The following FSHR variants were observed in gnomAD, a reference collection of about 807,000 sequenced individuals.
FSHR encodes the protein follicle stimulating hormone receptor, also known as follicle-stimulating hormone receptor.
A neutral mutation model predicts 52.1 loss-of-function variants in FSHR; 46 were observed. The ratio of observed to expected loss-of-function variants is 0.88; its 90% CI spans 0.70 to 1.13. The LOEUF is 1.13. FSHR is among the 50% of genes most tolerant of loss of function. FSHR has a pLI of 0.00. For synonymous variants in FSHR, 399 were observed against 309.6 expected, an observed-to-expected ratio of 1.29 and a Z score of -3.03; for missense variants, 964 against 834.6, an observed-to-expected ratio of 1.16 and a Z score of -1.91.
At chr2:48,986,009 G>A (rs1440596121) in intron 6 of FSHR, among the ~76,000 whole-genome samples, 13 of 152,154 alleles carry the variant, frequency 8.5e-5, no homozygotes, top group Admixed American at 6.5e-4. Context: ...CACCGCGCCC[G>A]GCCGCATGTA....
In FSHR at chr2:49,133,781, T is replaced by C. The variant is rs748291676; in HGVS notation, c.152+20485A>G. Among the ~76,000 whole-genome samples, 4 of 152,154 alleles carry C rather than the reference T, an allele frequency of 2.6e-5. 1 individual carries two copies. The highest frequency in any genetic ancestry group is 2.6e-4 in the Admixed American group (4 of 15,266). Reference sequence around the variant, plus strand: ...ATAATACCATACATCTACAACCATCTGATCTTTGACAAACCTGACAAAAAA... The same window carrying C: ...ATAATACCATACATCTACAACCATCCGATCTTTGACAAACCTGACAAAAAA... On this transcript the variant is annotated intron_variant, in intron 1 of 9. Transcript: ENST00000406846.
At chr2:49,150,223 G>C (rs1427214189) in intron 1 of FSHR, among the ~76,000 whole-genome samples, 2 of 151,936 alleles carry the variant, frequency 1.3e-5, no homozygotes, top group African/African-American at 4.8e-5. Flanking sequence ...GACAAATATG[G>C]ACAGCGTTAA....
intron 4 of FSHR, among the ~76,000 whole-genome samples, chr2:49,005,446 T>A (rs978741048): frequency 1.3e-5 from 2 of 152,124 alleles, no homozygotes; most frequent in African/African-American, 4.8e-5. Context: ...CATGGCAACA[T>A]CCTTAGATCC....
intron 5 of FSHR, 119 bp from the exon 6 acceptor site, chr2:48,989,173 G>T: frequency 1.4e-6 from 1 of 703,520 alleles, no homozygotes; most frequent in Non-Finnish European, 2.5e-6. Context: ...AATATAACTA[G>T]TTGTTGTTTA....
intron 1 of FSHR, among the ~76,000 whole-genome samples, chr2:49,085,384 TATC>T (rs1670339449): frequency 6.6e-6 from 1 of 152,196 alleles, no homozygotes; most frequent in South Asian, 2.1e-4. Context: ...CCACAGCCAA[TATC>T]ATACTGAATG....
intron 1 of FSHR, among the ~76,000 whole-genome samples, chr2:49,144,236 A>G (rs761172577): frequency 2.6e-5 from 4 of 152,138 alleles, no homozygotes; most frequent in African/African-American, 4.8e-5. Flanking sequence ...TGATGCAGCA[A>G]TTCCCCAACA....
intron 1 of FSHR, among the ~76,000 whole-genome samples, chr2:49,090,527 C>A (rs542336646): frequency 1.6e-3 from 243 of 152,178 alleles, no homozygotes; most frequent in Non-Finnish European, 2.4e-3. Context: ...GTTGAAGTAC[C>A]TTTGGGTTGT....
intron 2 of FSHR, among the ~76,000 whole-genome samples, chr2:49,046,506 A>AT (rs1668660400): frequency 6.6e-6 from 1 of 152,226 alleles, no homozygotes; most frequent in Non-Finnish European, 1.5e-5. Context: ...TGATAGTAAG[A>AT]TTCTTATGAT....
intron 1 of FSHR, among the ~76,000 whole-genome samples, chr2:49,098,807 T>G (rs980005730): frequency 6.8e-6 from 1 of 146,960 alleles, no homozygotes; most frequent in Admixed American, 6.9e-5. Context: ...ATTTATAATA[T>G]GTATACTTAT....
At chr2:49,149,559 T>C (rs1672987252) in intron 1 of FSHR, among the ~76,000 whole-genome samples, 1 of 152,056 alleles carries the variant, frequency 6.6e-6, no homozygotes, top group South Asian at 2.1e-4. Flanking sequence ...TGGCTCAGTT[T>C]GCAAACATCA....
chr2:49,017,856 G>A, intron 3 of FSHR, among the ~76,000 whole-genome samples: 1 of 152,236 alleles, frequency 6.6e-6, no homozygotes, highest in African/African-American at 2.4e-5. Flanking sequence ...GTGGGTTCTT[G>A]TCACCCTGAG....
chr2:48,993,881 C>A (rs1316389563), intron 4 of FSHR, among the ~76,000 whole-genome samples: 1 of 152,190 alleles, frequency 6.6e-6, no homozygotes, highest in East Asian at 1.9e-4. Flanking sequence ...CATGTCATTT[C>A]TTCAAAAAGG....
intron 1 of FSHR, among the ~76,000 whole-genome samples, chr2:49,127,781 CTT>C (rs1452742231): frequency 2.1e-5 from 1 of 47,826 alleles, no homozygotes; most frequent in Non-Finnish European, 3.8e-5. Flanking sequence ...TCTTCTTCTT[CTT>C]CTTCTTCTTC....
At chr2:49,117,194 G>A (rs1671633478) in intron 1 of FSHR, among the ~76,000 whole-genome samples, 3 of 152,136 alleles carry the variant, frequency 2.0e-5, no homozygotes, top group Admixed American at 1.3e-4. Flanking sequence ...GGACAACTAC[G>A]GAATATCTAG....
chr2:49,032,723 TAGA>T (rs1668142936), intron 2 of FSHR, among the ~76,000 whole-genome samples: 1 of 152,152 alleles, frequency 6.6e-6, no homozygotes. Context: ...GAGTGAAAGA[TAGA>T]AGGAGGAGCA....
chr2:48,964,076 T>G, intron 9 of FSHR, 110 bp from the exon 10 acceptor site: 1 of 1,160,806 alleles, frequency 8.6e-7, no homozygotes, highest in Non-Finnish European at 1.2e-6. Flanking sequence ...AGATTTTTTT[T>G]TTTTCTTCTC....
intron 1 of FSHR, among the ~76,000 whole-genome samples, chr2:49,080,627 T>C (rs891998859): frequency 1.3e-5 from 2 of 152,214 alleles, no homozygotes; most frequent in Admixed American, 6.5e-5. Flanking sequence ...ATGATATTTT[T>C]ATAAAGGTTA....
intron 2 of FSHR, among the ~76,000 whole-genome samples, chr2:49,055,527 A>C (rs1025974160): frequency 1.7e-5 from 2 of 119,082 alleles, no homozygotes; most frequent in African/African-American, 3.2e-5. Context: ...AGATCCAGGA[A>C]GCTCAAAAAA....
At chr2:48,974,129 T>TA (rs1471543628) in intron 8 of FSHR, among the ~76,000 whole-genome samples, 1 of 152,112 alleles carries the variant, frequency 6.6e-6, no homozygotes, top group Non-Finnish European at 1.5e-5. Flanking sequence ...AATCTAGACT[T>TA]AAAGTGAGCT....
Sources: allele counts gnomAD v4.1 joint callset (sites outside exome capture counted in the v4.1 genomes callset), GRCh38; gene constraint gnomAD v4.1.1; transcripts MANE v1.5; gene names NCBI Gene and HGNC (gene_info 2026-07-23, HGNC 2026-07-21).